Variants in LGSN observed in about 807,000 individuals in gnomAD.
The protein encoded by LGSN is lengsin.
In LGSN, 21 loss-of-function variants were observed where a neutral mutation model predicts 19.5. The observed-to-expected ratio is 1.07, with a 90% CI of 0.76 to 1.55. LGSN has a LOEUF of 1.55. LGSN is among the 40% of genes most tolerant of loss of function. The probability of loss-of-function intolerance (pLI) is 0.00; values close to 1 mark genes in which losing one functional copy is unlikely to be tolerated. For missense variants in LGSN, 673 were observed against 608.5 expected, an observed-to-expected ratio of 1.11 and a Z score of -1.12; for synonymous variants, 257 against 215.6, an observed-to-expected ratio of 1.19 and a Z score of -1.68.
chr6:63,357,784 C>T, the LGSN span, among the ~76,000 whole-genome samples: 1 of 152,142 alleles, frequency 6.6e-6, no homozygotes, highest in Non-Finnish European at 1.5e-5. Context: ...CTGTAGGTTG[C>T]CTGTTCACTC....
At chr6:63,461,397 C>T in the LGSN span, among the ~76,000 whole-genome samples, 1 of 152,150 alleles carries the variant, frequency 6.6e-6, no homozygotes, top group Non-Finnish European at 1.5e-5. Flanking sequence ...TTTGTACTCC[C>T]TCATCCTGAG....
chr6:63,371,125 A>G, the LGSN span, among the ~76,000 whole-genome samples: 1 of 152,252 alleles, frequency 6.6e-6, no homozygotes, highest in Non-Finnish European at 1.5e-5. Context: ...CCTTTCAGCA[A>G]AGCAAGTTAT....
At chr6:63,525,362 G>C in the LGSN span, among the ~76,000 whole-genome samples, 4 of 152,188 alleles carry the variant, frequency 2.6e-5, no homozygotes, top group Admixed American at 2.0e-4. Context: ...CAATGGGGGA[G>C]CTAGAGAGAG....
the LGSN span, among the ~76,000 whole-genome samples, chr6:63,443,044 G>A: frequency 1.4e-4 from 22 of 152,326 alleles, no homozygotes; most frequent in South Asian, 4.1e-4. Flanking sequence ...AGCCCACCGC[G>A]TGGGGGCTCA....
At chr6:63,423,059 G>A in the LGSN span, among the ~76,000 whole-genome samples, 2 of 152,276 alleles carry the variant, frequency 1.3e-5, no homozygotes, top group African/African-American at 4.8e-5. Flanking sequence ...ACTTAAAGTA[G>A]GCTTCAATCA....
At chr6:63,304,030 C>A (rs1768281899) in intron 1 of LGSN, among the ~76,000 whole-genome samples, 1 of 152,198 alleles carries the variant, frequency 6.6e-6, no homozygotes, top group African/African-American at 2.4e-5. Flanking sequence ...CTTGGAACAA[C>A]ACAGTGGGAA....
chr6:63,439,342 AC>A, the LGSN span, among the ~76,000 whole-genome samples: 1 of 151,972 alleles, frequency 6.6e-6, no homozygotes, highest in African/African-American at 2.4e-5. Context: ...GTACCCTAAA[AC>A]TTAAAGTATA....
the LGSN span, among the ~76,000 whole-genome samples, chr6:63,414,266 T>C: frequency 2.0e-5 from 3 of 152,298 alleles, no homozygotes; most frequent in Admixed American, 6.5e-5. Context: ...CTTTATTCTT[T>C]CAAGAAATCC....
chr6:63,454,201 GT>G, the LGSN span, among the ~76,000 whole-genome samples: 1 of 150,994 alleles, frequency 6.6e-6, no homozygotes, highest in South Asian at 2.1e-4. Flanking sequence ...AATAATGTGT[GT>G]TTTTTCCTGT....
At chr6:63,352,857 A>G in the LGSN span, among the ~76,000 whole-genome samples, 2 of 150,986 alleles carry the variant, frequency 1.3e-5, no homozygotes, top group South Asian at 2.1e-4. Flanking sequence ...AAACAGCTGG[A>G]TTTTTTTTTA....
At position 63,280,346 on chromosome 6, in the gene LGSN, C is replaced by T. The variant is rs780163823; in HGVS notation, c.1205G>A (p.Gly402Asp). 1 of 1,614,192 alleles carries T rather than the reference C, an allele frequency of 6.2e-7. No homozygotes were observed. The change falls in exon 4 of 4, where the codon GGC becomes GAC. Residue 402 changes from glycine to aspartate, a missense_variant. Coordinates refer to ENST00000370657, the MANE Select transcript of LGSN (RefSeq NM_016571.3). ...IFNIKCHGEKGTRIENKLGSA... is the reference protein window; with the variant it reads ...IFNIKCHGEKDTRIENKLGSA... The stretch of plus-strand genomic sequence containing the variant: ...GCCTAGTTTATTTTCTATCCGGGTG[C>T]CTTTCTCTCCATGACATTTGATATT...
At chr6:63,519,422 C>A in the LGSN span, among the ~76,000 whole-genome samples, 1 of 152,130 alleles carries the variant, frequency 6.6e-6, no homozygotes, top group Non-Finnish European at 1.5e-5. Flanking sequence ...CTTTTCATAG[C>A]TTTTTGGATT....
chr6:63,533,912 C>T, the LGSN span, among the ~76,000 whole-genome samples: 6 of 150,840 alleles, frequency 4.0e-5, no homozygotes, highest in African/African-American at 9.8e-5. Flanking sequence ...GGTGTGATCT[C>T]GGCTCATTAC....
At chr6:63,464,881 C>T in the LGSN span, among the ~76,000 whole-genome samples, 4 of 151,770 alleles carry the variant, frequency 2.6e-5, no homozygotes, top group Non-Finnish European at 4.4e-5. Context: ...AAAAAAGTAG[C>T]TAGGCATGGT....
the LGSN span, among the ~76,000 whole-genome samples, chr6:63,435,908 T>TA: frequency 1.5e-3 from 209 of 138,328 alleles, 3 homozygotes; most frequent in Admixed American, 9.6e-3. Flanking sequence ...TCATCCAAAT[T>TA]AAAAAAAAAA....
chr6:63,305,725 G>C (rs141753306), intron 1 of LGSN, among the ~76,000 whole-genome samples: 1 of 151,926 alleles, frequency 6.6e-6, no homozygotes, highest in African/African-American at 2.4e-5. Flanking sequence ...ATCATTCTTT[G>C]CTCAATCAAA....
chr6:63,370,577 C>A, the LGSN span, among the ~76,000 whole-genome samples: 1 of 152,248 alleles, frequency 6.6e-6, no homozygotes, highest in African/African-American at 2.4e-5. Context: ...GGCTTGGAGC[C>A]TTGGCTCACA....
At chr6:63,508,627 G>C in the LGSN span, among the ~76,000 whole-genome samples, 3 of 152,032 alleles carry the variant, frequency 2.0e-5, no homozygotes, top group African/African-American at 7.2e-5. Flanking sequence ...TGTTATAAGA[G>C]TATTTCTGGC....
At chr6:63,471,684 T>G in the LGSN span, among the ~76,000 whole-genome samples, 1 of 150,414 alleles carries the variant, frequency 6.6e-6, no homozygotes, top group South Asian at 2.1e-4. Context: ...AAAAAATCAG[T>G]AGACCAATAT....
Sources: gnomAD v4.1 joint callset for allele counts (sites outside exome capture counted in the v4.1 genomes callset) on GRCh38, gnomAD v4.1.1 for gene constraint, MANE v1.5 for transcripts, NCBI Gene and HGNC (gene_info 2026-07-23, HGNC 2026-07-21) for gene names.